SGCD: variants seen among roughly 807,000 people sequenced by gnomAD.
SGCD encodes the protein delta-sarcoglycan.
Under a neutral mutation model 36.6 loss-of-function variants are expected in SGCD, and 18 were observed. The observed-to-expected ratio is 0.49, with a 90% CI of 0.34 to 0.73. The LOEUF is 0.73. Ranked by LOEUF, SGCD falls within the 30% of genes least tolerant of loss-of-function variation. The pLI, the probability that SGCD is intolerant of heterozygous loss-of-function variation, is 0.01. For missense variants in SGCD, 387 were observed against 346.7 expected (o/e 1.12, Z -0.92); for synonymous variants, 133 against 130.6 (o/e 1.02, Z -0.12).
chr5:156,013,070 G>A (rs1419287966), intron 1 of SGCD, among the ~76,000 whole-genome samples: 2 of 147,164 alleles, frequency 1.4e-5, no homozygotes, highest in Non-Finnish European at 3.0e-5. Context: ...CTGTCGCCAA[G>A]GCTGGAGTGC....
At chr5:156,368,100 C>CT (rs1233452389) in intron 3 of SGCD, among the ~76,000 whole-genome samples, 1 of 144,002 alleles carries the variant, frequency 6.9e-6, no homozygotes, top group Non-Finnish European at 1.5e-5. Flanking sequence ...TTTTTTTTTT[C>CT]TTTTTTTCGA....
rs1227601847 is a variant in SGCD, at chr5:156,759,354, G to A, written c.837G>A (p.Gly279=). The change falls in exon 9 of 9, where the codon GGG becomes GGA. Residue 279 remains glycine, a synonymous_variant. Transcript: ENST00000337851. The part of the protein sequence containing the change: ...GRLFLSQAGA[G]STCQINTSVC... ...TATTCCTGTCTCAGGCAGGAGCTGG[G>A]TCCACTTGTCAGATAAACACAAGTG... 6 of 1,611,722 alleles carry A rather than the reference G, an allele frequency of 3.7e-6. No homozygotes were observed. The highest frequency in any genetic ancestry group is 5.1e-6 in the Non-Finnish European group (6 of 1,178,268).
the SGCD span, among the ~76,000 whole-genome samples, chr5:155,813,872 T>G: frequency 6.6e-6 from 1 of 152,196 alleles, no homozygotes; most frequent in Non-Finnish European, 1.5e-5. Context: ...CACCATTAAA[T>G]CAGAGTCCTC....
intron 1 of SGCD, among the ~76,000 whole-genome samples, chr5:155,894,573 G>A (rs926307107): frequency 6.6e-6 from 1 of 152,136 alleles, no homozygotes; most frequent in African/African-American, 2.4e-5. Context: ...TGTATTTACA[G>A]CCACTCCCCA....
intron 7 of SGCD, among the ~76,000 whole-genome samples, chr5:156,719,040 CTT>C (rs991472888): frequency 2.0e-5 from 3 of 152,100 alleles, no homozygotes; most frequent in African/African-American, 7.2e-5. Flanking sequence ...GAAACCTTCT[CTT>C]ATGTTTATGT....
At chr5:156,190,354 C>T (rs890070206) in intron 3 of SGCD, among the ~76,000 whole-genome samples, 1 of 152,024 alleles carries the variant, frequency 6.6e-6, no homozygotes, top group Non-Finnish European at 1.5e-5. Flanking sequence ...CAGATAGATT[C>T]CCCACCACCA....
chr5:156,164,175 A>G (rs1470122868), intron 3 of SGCD, among the ~76,000 whole-genome samples: 1 of 151,576 alleles, frequency 6.6e-6, no homozygotes, highest in Non-Finnish European at 1.5e-5. Flanking sequence ...TGAGAATTTA[A>G]ATATAGCCAC....
intron 1 of SGCD, among the ~76,000 whole-genome samples, chr5:155,962,453 G>A (rs951620266): frequency 5.3e-5 from 8 of 151,996 alleles, no homozygotes; most frequent in African/African-American, 9.7e-5. Context: ...CATTGCCCTC[G>A]ATTGGATACT....
intron 3 of SGCD, among the ~76,000 whole-genome samples, chr5:156,147,722 A>G (rs1762737583): frequency 6.6e-6 from 1 of 152,226 alleles, no homozygotes; most frequent in Non-Finnish European, 1.5e-5. Context: ...TAAATCTCCT[A>G]CAAAATCTAG....
the SGCD span, among the ~76,000 whole-genome samples, chr5:155,728,636 C>T: frequency 2.0e-5 from 3 of 152,116 alleles, no homozygotes; most frequent in Non-Finnish European, 2.9e-5. Flanking sequence ...GCCGCTTGGC[C>T]GGCGCCGGCC....
At chr5:156,104,754 T>C (rs1271854446) in intron 1 of SGCD, among the ~76,000 whole-genome samples, 1 of 152,232 alleles carries the variant, frequency 6.6e-6, no homozygotes, top group Non-Finnish European at 1.5e-5. Context: ...CTTAGTTCTT[T>C]CTGGGCAAGT....
intron 3 of SGCD, among the ~76,000 whole-genome samples, chr5:156,272,276 G>A (rs903584495): frequency 3.4e-4 from 52 of 152,118 alleles, no homozygotes; most frequent in African/African-American, 1.2e-3. Flanking sequence ...GTGATATTTG[G>A]TTTTCCATTC....
At chr5:156,058,198 C>T (rs1445230045) in intron 1 of SGCD, among the ~76,000 whole-genome samples, 2 of 145,580 alleles carry the variant, frequency 1.4e-5, no homozygotes, top group Non-Finnish European at 3.1e-5. Context: ...ATATAATTAC[C>T]AATTTATATT....
At chr5:156,476,398 A>G (rs1027517327) in intron 3 of SGCD, among the ~76,000 whole-genome samples, 15 of 152,166 alleles carry the variant, frequency 9.9e-5, no homozygotes, top group Admixed American at 9.8e-4. Flanking sequence ...TTGACAGAGG[A>G]GCTGAGAGGG....
intron 7 of SGCD, among the ~76,000 whole-genome samples, chr5:156,653,262 G>A (rs897037644): frequency 1.4e-5 from 2 of 148,072 alleles, no homozygotes; most frequent in African/African-American, 5.0e-5. Flanking sequence ...TACTGATTCA[G>A]TTTCAGAACT....
chr5:155,858,820 G>A, the SGCD span, among the ~76,000 whole-genome samples: 4 of 152,016 alleles, frequency 2.6e-5, no homozygotes, highest in South Asian at 2.1e-4. Context: ...ACCCTGCTAC[G>A]GATTAACTGA....
chr5:156,483,799 T>C (rs562953536), intron 3 of SGCD, among the ~76,000 whole-genome samples: 4 of 152,190 alleles, frequency 2.6e-5, no homozygotes, highest in Non-Finnish European at 5.9e-5. Context: ...TGGCCAGGTT[T>C]TTAAAAAATA....
At chr5:156,005,652 G>A (rs1459803610) in intron 1 of SGCD, among the ~76,000 whole-genome samples, 1 of 152,176 alleles carries the variant, frequency 6.6e-6, no homozygotes, top group African/African-American at 2.4e-5. Context: ...GGGTTTCACC[G>A]TGTTAGCCAG....
In SGCD at chr5:156,423,427, TAA is replaced by T. The variant is rs1561686109; in HGVS notation, c.192+78753_192+78754del. ...TATAATATAATATATTATATTTTAA[TAA>T]AATATAATATATTTATTTTATTATA... On this transcript the variant is annotated intron_variant, in intron 3 of 8. Transcript: ENST00000337851. Among the ~76,000 whole-genome samples, 76 of 115,320 alleles carry T rather than the reference TAA, an allele frequency of 6.6e-4. 1 individual carries two copies. Among genetic ancestry groups the T allele is most frequent in the Non-Finnish European group, 8.7e-4 (50 of 57,630 alleles). 75.7% of individuals were successfully genotyped at this position (115,320 alleles called of 152,430 possible). A position where few individuals can be genotyped will look rare whatever the true frequency, so the allele number is the denominator to read the frequency against.
Sources: allele counts gnomAD v4.1 joint callset (sites outside exome capture counted in the v4.1 genomes callset), GRCh38; gene constraint gnomAD v4.1.1; transcripts MANE v1.5; gene names NCBI Gene and HGNC (gene_info 2026-07-23, HGNC 2026-07-21).